RSPO2: variants seen among roughly 807,000 people sequenced by gnomAD.
The protein encoded by RSPO2 is R-spondin-2.
A neutral mutation model predicts 30.9 loss-of-function variants in RSPO2; 14 were observed. The observed-to-expected ratio is 0.45, with a 90% CI of 0.30 to 0.71. The LOEUF (loss-of-function observed/expected upper bound fraction) is 0.71. Ranked by LOEUF, RSPO2 falls within the 30% of genes least tolerant of loss-of-function variation. The probability of loss-of-function intolerance (pLI) is 0.08; values close to 1 mark genes in which losing one functional copy is unlikely to be tolerated. For synonymous variants in RSPO2, 107 were observed against 96.4 expected, an observed-to-expected ratio of 1.11 and a Z score of -0.64; for missense variants, 264 against 301.9, an observed-to-expected ratio of 0.87 and a Z score of 0.93.
intron 2 of RSPO2, among the ~76,000 whole-genome samples, chr8:108,039,936 T>A (rs1257171217): frequency 6.6e-6 from 1 of 152,158 alleles, no homozygotes; most frequent in Non-Finnish European, 1.5e-5. Flanking sequence ...GAGGATACAA[T>A]GAGAAGTTGG....
intron 5 of RSPO2, among the ~76,000 whole-genome samples, chr8:107,924,211 G>A (rs895582558): frequency 1.3e-5 from 2 of 152,042 alleles, no homozygotes; most frequent in Non-Finnish European, 2.9e-5. Flanking sequence ...GCTTCAGAAA[G>A]TAGGAAATCG....
intron 2 of RSPO2, among the ~76,000 whole-genome samples, chr8:108,034,403 T>C (rs1229407930): frequency 6.6e-6 from 1 of 152,192 alleles, no homozygotes; most frequent in Non-Finnish European, 1.5e-5. Flanking sequence ...TTATAGTAAG[T>C]GTTATGATGG....
chr8:108,076,722 T>C (rs113919328), intron 2 of RSPO2, among the ~76,000 whole-genome samples: 2,175 of 151,990 alleles, frequency 0.014, 50 homozygotes, highest in African/African-American at 0.049. Context: ...TTGGCAGTAA[T>C]TGGGAGATCT....
intron 2 of RSPO2, among the ~76,000 whole-genome samples, chr8:107,994,293 G>T (rs1282689950): frequency 6.6e-6 from 1 of 152,012 alleles, no homozygotes; most frequent in Non-Finnish European, 1.5e-5. Flanking sequence ...AGCATATAAA[G>T]GCTATGTGCT....
chr8:107,967,561 G>C (rs529197616), intron 3 of RSPO2, among the ~76,000 whole-genome samples: 5 of 151,978 alleles, frequency 3.3e-5, no homozygotes, highest in Non-Finnish European at 7.4e-5. Flanking sequence ...GAAGTTTCAG[G>C]ACTCAATGTT....
chr8:107,991,417 A>T (rs1424305161), intron 2 of RSPO2, among the ~76,000 whole-genome samples: 1 of 152,178 alleles, frequency 6.6e-6, no homozygotes, highest in Non-Finnish European at 1.5e-5. Context: ...TGCATCAAAG[A>T]CTTAAAGGTA....
At chr8:107,903,274 A>C (rs1466359591) in intron 5 of RSPO2, among the ~76,000 whole-genome samples, 5 of 152,126 alleles carry the variant, frequency 3.3e-5, no homozygotes, top group African/African-American at 1.2e-4. Context: ...ATGGAAAAAT[A>C]AAGCTTATCT....
At chr8:107,926,012 G>T (rs970055606) in intron 5 of RSPO2, among the ~76,000 whole-genome samples, 1 of 152,096 alleles carries the variant, frequency 6.6e-6, no homozygotes, top group African/African-American at 2.4e-5. Context: ...CTAGTTTACA[G>T]TCCCACCAAC....
intron 5 of RSPO2, among the ~76,000 whole-genome samples, chr8:107,921,302 ACACACACT>A (rs1563521260): frequency 6.6e-6 from 1 of 150,592 alleles, no homozygotes; most frequent in Non-Finnish European, 1.5e-5. Flanking sequence ...ACACACACAC[ACACACACT>A]CCCCTTTAGA....
intron 2 of RSPO2, among the ~76,000 whole-genome samples, chr8:108,025,585 C>T (rs1246060985): frequency 6.6e-6 from 1 of 152,114 alleles, no homozygotes; most frequent in Non-Finnish European, 1.5e-5. Context: ...AGTACAGTGG[C>T]ATAATCACAA....
At chr8:108,034,085 G>A (rs984779625) in intron 2 of RSPO2, among the ~76,000 whole-genome samples, 5 of 152,048 alleles carry the variant, frequency 3.3e-5, no homozygotes, top group African/African-American at 4.8e-5. Context: ...AAAGTGCATC[G>A]GATCGCTCAT....
chr8:108,062,037 T>G (rs1048197820), intron 2 of RSPO2, among the ~76,000 whole-genome samples: 1 of 151,762 alleles, frequency 6.6e-6, no homozygotes, highest in Non-Finnish European at 1.5e-5. Context: ...TTTAAAGCAG[T>G]GTGTAGAGGG....
intron 2 of RSPO2, among the ~76,000 whole-genome samples, chr8:108,050,762 C>T (rs779755639): frequency 1.2e-4 from 19 of 152,154 alleles, no homozygotes; most frequent in African/African-American, 3.4e-4. Context: ...CCACCCTCCA[C>T]GTTGGTAGTG....
In RSPO2 at chr8:107,988,962, A is replaced by AT. The variant is rs201531894; in HGVS notation, c.283+93dup. On this transcript the variant is annotated intron_variant, in intron 3 of 5. Transcript: ENST00000276659. ...TATTTCTATCACCTATTACAAACAC[A>AT]TTTTTTTTAAAAAAATCATTCAAAA... 2.5e-3 allele frequency: 2,954 copies of AT among 1,205,164 alleles called. 37 individuals are homozygous for AT. In the African/African-American group the frequency reaches 0.032, roughly 13 times the overall value. The allele number at this position is 1,205,164 out of a possible 1,614,324, so 74.7% of individuals were successfully genotyped here.
intron 5 of RSPO2, among the ~76,000 whole-genome samples, chr8:107,927,021 T>C (rs1174608676): frequency 1.3e-5 from 2 of 152,132 alleles, no homozygotes; most frequent in East Asian, 1.9e-4. Context: ...ATTCTTCCTA[T>C]CCATGAGCAT....
At chr8:108,071,683 C>G (rs1013892009) in intron 2 of RSPO2, among the ~76,000 whole-genome samples, 4 of 152,208 alleles carry the variant, frequency 2.6e-5, no homozygotes, top group Admixed American at 1.3e-4. Flanking sequence ...CTCATATCTC[C>G]TTAGAAGAGC....
chr8:108,037,014 T>C (rs987035531), intron 2 of RSPO2, among the ~76,000 whole-genome samples: 3 of 152,196 alleles, frequency 2.0e-5, no homozygotes, highest in Admixed American at 2.0e-4. Flanking sequence ...CCCTATGCCC[T>C]GTGGTACAAC....
At chr8:107,904,414 C>G (rs1257285889) in intron 5 of RSPO2, among the ~76,000 whole-genome samples, 2 of 151,628 alleles carry the variant, frequency 1.3e-5, no homozygotes, top group Non-Finnish European at 2.9e-5. Flanking sequence ...TCCAACATAT[C>G]CAATTCTAGT....
At chr8:108,072,992 T>C (rs1812904967) in intron 2 of RSPO2, 1 of 152,220 alleles carries the variant, frequency 6.6e-6, no homozygotes, top group African/African-American at 2.4e-5. Context: ...AACCCACTGA[T>C]GTTTTTCAAA....
Sources: allele counts gnomAD v4.1 joint callset (sites outside exome capture counted in the v4.1 genomes callset), GRCh38; gene constraint gnomAD v4.1.1; transcripts MANE v1.5; gene names NCBI Gene and HGNC (gene_info 2026-07-23, HGNC 2026-07-21).